KCNIP4: variants seen among roughly 807,000 people sequenced by gnomAD.
KCNIP4 encodes potassium voltage-gated channel interacting protein 4, also known as Kv channel-interacting protein 4.
In KCNIP4, 12 loss-of-function variants were observed where a neutral mutation model predicts 34.0. The ratio of observed to expected loss-of-function variants is 0.35; its 90% CI spans 0.23 to 0.57. The LOEUF is 0.57. Among genes scored for constraint, KCNIP4 ranks in the 20% least tolerant of loss-of-function variants. KCNIP4 has a pLI of 0.83. For missense variants in KCNIP4, 238 were observed against 311.7 expected, an observed-to-expected ratio of 0.76 and a Z score of 1.78; for synonymous variants, 124 against 102.2, an observed-to-expected ratio of 1.21 and a Z score of -1.29.
chr4:21,193,697 G>A (rs966645997), intron 1 of KCNIP4, among the ~76,000 whole-genome samples: 24 of 148,344 alleles, frequency 1.6e-4, no homozygotes, highest in Non-Finnish European at 2.8e-4. Flanking sequence ...TCAGCCTCCC[G>A]AGTAGCCGGG....
intron 1 of KCNIP4, among the ~76,000 whole-genome samples, chr4:21,106,963 C>CA (rs1748605287): frequency 6.6e-6 from 1 of 150,400 alleles, no homozygotes. Flanking sequence ...GTCTGAGAGA[C>CA]AGTTTGTTAT....
At chr4:21,065,726 C>CTATATATATATA (rs5856598) in intron 1 of KCNIP4, among the ~76,000 whole-genome samples, 7 of 86,352 alleles carry the variant, frequency 8.1e-5, no homozygotes, top group Non-Finnish European at 1.4e-4. Context: ...TATCATTTGT[C>CTATATATATATA]TATATATATA....
chr4:21,035,036 C>A (rs1741333824), intron 1 of KCNIP4, among the ~76,000 whole-genome samples: 1 of 152,194 alleles, frequency 6.6e-6, no homozygotes, highest in Non-Finnish European at 1.5e-5. Context: ...GGATCCAAAG[C>A]AATTTCCTTC....
intron 1 of KCNIP4, among the ~76,000 whole-genome samples, chr4:21,477,644 G>A (rs1294510600): frequency 2.6e-5 from 4 of 152,168 alleles, no homozygotes; most frequent in Non-Finnish European, 4.4e-5. Context: ...AGCAATAAAT[G>A]AAGATGTGCT....
chr4:21,172,548 G>A (rs1754089306), intron 1 of KCNIP4, among the ~76,000 whole-genome samples: 1 of 152,192 alleles, frequency 6.6e-6, no homozygotes. Flanking sequence ...CTACTGAGAT[G>A]TAATGTCCCT....
intron 1 of KCNIP4, among the ~76,000 whole-genome samples, chr4:21,179,791 T>C (rs189916729): frequency 5.3e-5 from 8 of 152,334 alleles, no homozygotes; most frequent in Non-Finnish European, 1.2e-4. Flanking sequence ...ACAATGTTTT[T>C]TAAAAAATGC....
Position 21,892,807 on chromosome 4 carries a change from A to G in KCNIP4, c.61+55764T>C, listed in dbSNP as rs62301436. Among the ~76,000 whole-genome samples the G allele has an allele frequency of 4.0e-3, 604 of 152,272 alleles. 4 individuals are homozygous for G. The highest frequency in any genetic ancestry group is 0.027 in the Middle Eastern group (8 of 294). On this transcript the variant is annotated intron_variant, in intron 1 of 8. Coordinates refer to ENST00000382152, the MANE Select transcript of KCNIP4 (RefSeq NM_025221.6). Reference sequence around the variant, plus strand: ...TCTTGCTGTGATTAAGATTCACCTAAGAAGATTAACAGGGGCAACAAAATA... The same window carrying G: ...TCTTGCTGTGATTAAGATTCACCTAGGAAGATTAACAGGGGCAACAAAATA...
At chr4:21,866,434 C>T (rs1043618597) in intron 1 of KCNIP4, among the ~76,000 whole-genome samples, 1 of 152,172 alleles carries the variant, frequency 6.6e-6, no homozygotes, top group East Asian at 1.9e-4. Context: ...AGTTGCTGCT[C>T]CCATTCATAG....
intron 3 of KCNIP4, among the ~76,000 whole-genome samples, chr4:20,816,095 A>T (rs1560486384): frequency 6.6e-6 from 1 of 152,056 alleles, no homozygotes; most frequent in Non-Finnish European, 1.5e-5. Flanking sequence ...CTAAAAAAAA[A>T]TACAAAAATT....
intron 1 of KCNIP4, among the ~76,000 whole-genome samples, chr4:21,380,767 C>T (rs1721433676): frequency 6.6e-6 from 1 of 151,916 alleles, no homozygotes; most frequent in Non-Finnish European, 1.5e-5. Context: ...CTATACAACC[C>T]TCAAAACTGA....
intron 1 of KCNIP4, among the ~76,000 whole-genome samples, chr4:21,700,970 T>C (rs1712787684): frequency 6.6e-6 from 1 of 152,170 alleles, no homozygotes; most frequent in African/African-American, 2.4e-5. Context: ...CATTTCATCA[T>C]GATTCACAAT....
chr4:21,513,627 T>C (rs561667156), intron 1 of KCNIP4, among the ~76,000 whole-genome samples: 17 of 152,360 alleles, frequency 1.1e-4, no homozygotes, highest in South Asian at 1.0e-3. Flanking sequence ...AGTGGTTTGC[T>C]GTGAGAGTGG....
At chr4:20,921,135 T>C (rs370833858) in intron 1 of KCNIP4, among the ~76,000 whole-genome samples, 2 of 151,968 alleles carry the variant, frequency 1.3e-5, no homozygotes, top group South Asian at 2.1e-4. Context: ...AACAAGAAAA[T>C]GTACTGGTGA....
intron 1 of KCNIP4, among the ~76,000 whole-genome samples, chr4:21,370,029 G>T (rs147347769): frequency 6.8e-6 from 1 of 146,734 alleles, no homozygotes; most frequent in Admixed American, 6.6e-5. Context: ...GGGTTTCACC[G>T]TGTTAGCCAG....
At chr4:21,326,252 T>C (rs1021475089) in intron 1 of KCNIP4, among the ~76,000 whole-genome samples, 1 of 151,478 alleles carries the variant, frequency 6.6e-6, no homozygotes, top group African/African-American at 2.4e-5. Context: ...CTAATAACAG[T>C]TGCTTTATAC....
chr4:21,226,146 G>A (rs1248341087), intron 1 of KCNIP4, among the ~76,000 whole-genome samples: 2 of 150,296 alleles, frequency 1.3e-5, no homozygotes, highest in Non-Finnish European at 3.0e-5. Context: ...AGTTCATGTA[G>A]TTAGAATTCA....
At chr4:21,400,966 G>A (rs527866630) in intron 1 of KCNIP4, among the ~76,000 whole-genome samples, 17 of 152,204 alleles carry the variant, frequency 1.1e-4, no homozygotes, top group African/African-American at 3.9e-4. Flanking sequence ...TTTGTGACCA[G>A]CCTGGCCAAC....
In KCNIP4 at chr4:20,733,185, T is replaced by C. The variant is rs57264251; in HGVS notation, c.538-400A>G. ...AATCAAATATACGGCACATCGTATA[T>C]TGAGAAAAAACACCATTTAGAATTA... On this transcript the variant is annotated intron_variant, in intron 6 of 8. Coordinates refer to ENST00000382152, the MANE Select transcript of KCNIP4 (RefSeq NM_025221.6). Among the ~76,000 whole-genome samples the C allele has an allele frequency of 3.9e-5, 6 of 152,310 alleles. No individual in the cohort carries two copies. The East Asian group carries it at 1.2e-3, about 29-fold the overall frequency.
chr4:21,688,869 T>C (rs78213292), intron 1 of KCNIP4, among the ~76,000 whole-genome samples: 1,995 of 152,058 alleles, frequency 0.013, 18 homozygotes, highest in Non-Finnish European at 0.022. Flanking sequence ...CATAAGCCTC[T>C]TTCTTTCTAA....
Sources: gnomAD v4.1 joint callset for allele counts (sites outside exome capture counted in the v4.1 genomes callset) on GRCh38, gnomAD v4.1.1 for gene constraint, MANE v1.5 for transcripts, NCBI Gene and HGNC (gene_info 2026-07-23, HGNC 2026-07-21) for gene names.